The following ZBED4 variants were observed in gnomAD, a reference collection of about 807,000 sequenced individuals.
ZBED4 encodes the protein zinc finger BED-type containing 4.
A neutral mutation model predicts 15.5 loss-of-function variants in ZBED4; 4 were observed. The ratio of observed to expected loss-of-function variants is 0.26; its 90% CI spans 0.13 to 0.59. The LOEUF (loss-of-function observed/expected upper bound fraction) is 0.59. ZBED4 is among the 20% of genes least tolerant of loss of function. ZBED4 has a pLI of 0.90. For synonymous variants in ZBED4, 692 were observed against 608.5 expected (o/e 1.14, Z -2.02); for missense variants, 1,323 against 1,461.8 (o/e 0.91, Z 1.55).
chr22:49,858,615 GGAA>G (rs1381094810), intron 1 of ZBED4, among the ~76,000 whole-genome samples: 8 of 152,220 alleles, frequency 5.3e-5, no homozygotes. Context: ...CTGTCTTGAA[GGAA>G]ACTGCAGATA....
chr22:49,862,334 C>T lies in ZBED4; in HGVS notation c.-330+8345C>T, dbSNP rs150692212. Among the ~76,000 whole-genome samples, 597 of 152,342 alleles carry T rather than the reference C, an allele frequency of 3.9e-3. 13 individuals are homozygous for T. The highest frequency in any genetic ancestry group is 0.014 in the Middle Eastern group (4 of 294). ...TTTTTGCTGAGACTGGAATTGATCT[C>T]CTGTGCTCAAGTCTCTCACCGTGGC... is the stretch of plus-strand genomic sequence containing the variant. On this transcript the variant is annotated intron_variant, in intron 1 of 1. Coordinates refer to ENST00000216268, the MANE Select transcript of ZBED4 (RefSeq NM_014838.3).
In ZBED4 at chr22:49,885,969, G is replaced by C. The variant is rs1318589903; in HGVS notation, c.2307G>C (p.Leu769=). The C allele has an allele frequency of 9.8e-6, 7 of 710,698 alleles. No individual in the cohort carries two copies. The highest frequency in any genetic ancestry group is 1.5e-5 in the Non-Finnish European group (6 of 391,782). The allele number at this position is 710,698 out of a possible 1,614,324, so 44.0% of individuals were successfully genotyped here. A position where few individuals can be genotyped will look rare whatever the true frequency, so the allele number is the denominator to read the frequency against. Residue 769 remains leucine (L), a synonymous_variant, in exon 2 of 2, where the codon CTG becomes CTC. Transcript: ENST00000216268. ...GTGACGACCACCACTGCTCGGCGCTGTTGGACGTGTCGCAGGTGGACTGCG... is the reference window on the plus strand; with the variant it reads ...GTGACGACCACCACTGCTCGGCGCTCTTGGACGTGTCGCAGGTGGACTGCG... ...PRCDDHHCSA[L]LDVSQVDCDY...
chr22:49,871,494 A>C (rs2060347344), intron 1 of ZBED4, among the ~76,000 whole-genome samples: 1 of 152,102 alleles, frequency 6.6e-6, no homozygotes, highest in Non-Finnish European at 1.5e-5. Context: ...AAAATAAAAA[A>C]AAAGTTACAT....
upstream of ZBED4, among the ~76,000 whole-genome samples, chr22:49,853,680 A>AC: frequency 6.7e-6 from 1 of 150,074 alleles, no homozygotes; most frequent in South Asian, 2.1e-4. Flanking sequence ...CTTCCGCCCG[A>AC]CCCCGCCCCA....
At chr22:49,862,403 C>G (rs1403696172) in intron 1 of ZBED4, among the ~76,000 whole-genome samples, 2 of 152,218 alleles carry the variant, frequency 1.3e-5, no homozygotes, top group Non-Finnish European at 2.9e-5. Context: ...TGCGCCCAGC[C>G]TAGTGTAGCT....
chr22:49,886,694 G>A lies in ZBED4; in HGVS notation c.3032G>A (p.Arg1011His). ...RYVFATLLDP[R>H]YKASLFTEEE... ...GTCTTCGCCACGCTGCTGGATCCTC[G>A]CTACAAGGCCTCCCTGTTTACGGAG... The change falls in exon 2 of 2, where the codon CGC (arginine) becomes CAC (histidine). Residue 1011 changes from arginine to histidine, a missense_variant. Physicochemically the swap from Arg to His is conservative, Grantham distance 29. Transcript: ENST00000216268. This position sits in a 1 kb window ranked among gnomAD's most constrained non-coding sequence, Gnocchi z 7.7. The A allele has an allele frequency of 1.2e-6, 2 of 1,612,904 alleles. No homozygotes were observed. Among genetic ancestry groups the A allele is most frequent in the Non-Finnish European group, 1.7e-6 (2 of 1,179,602 alleles).
chr22:49,869,035 A>G (rs530250659), intron 1 of ZBED4, among the ~76,000 whole-genome samples: 7 of 151,362 alleles, frequency 4.6e-5, no homozygotes, highest in Non-Finnish European at 1.0e-4. Context: ...GAGGCAGGAG[A>G]ATCACTTGAA....
Position 49,884,386 on chromosome 22 carries a change from T to G in ZBED4, c.724T>G (p.Ser242Ala). 1 of 1,612,890 alleles carries G rather than the reference T, an allele frequency of 6.2e-7. No individual in the cohort carries two copies. The highest frequency in any genetic ancestry group is 8.5e-7 in the Non-Finnish European group (1 of 1,179,314). The part of the protein sequence containing the change: ...SEEISSDMSV[S>A]EKCGREEALV... ...AGAAATCTCCTCTGACATGTCCGTT[T>G]CGGAGAAGTGCGGCAGAGAAGAAGC... is the stretch of plus-strand genomic sequence containing the variant. Residue 242 changes from serine to alanine, a missense_variant, in exon 2 of 2, where the codon TCG (serine) becomes GCG (alanine). Ser to Ala is a moderately conservative substitution (Grantham distance 99). Coordinates refer to ENST00000216268, the MANE Select transcript of ZBED4 (RefSeq NM_014838.3).
chr22:49,854,031 C>G (rs1029593165), intron 1 of ZBED4, 42 bp downstream of exon 1: 5 of 145,452 alleles, frequency 3.4e-5, no homozygotes, highest in African/African-American at 1.2e-4. Flanking sequence ...TGCCGCGAGC[C>G]CCGTCCCCCG....
chr22:49,877,534 C>T (rs1321727082), intron 1 of ZBED4, among the ~76,000 whole-genome samples: 1 of 152,058 alleles, frequency 6.6e-6, no homozygotes, highest in African/African-American at 2.4e-5. Flanking sequence ...TCGTGTGATC[C>T]CTCCCACCTT....
Position 49,854,320 on chromosome 22 carries a change from G to A in ZBED4, c.-330+331G>A, listed in dbSNP as rs544894963. 7.7e-4 allele frequency among the ~76,000 whole-genome samples: 117 copies of A among 151,086 alleles called. 2 individuals carry two copies. The highest frequency in any genetic ancestry group is 2.6e-3 in the African/African-American group (107 of 41,336). On this transcript the variant is annotated intron_variant, in intron 1 of 1. Coordinates refer to ENST00000216268, the MANE Select transcript of ZBED4 (RefSeq NM_014838.3). ...GGGCTCGGGCTCGGGGCGCCGCCCG[G>A]GTCCGCCGGGAGCGCGCTGTCCCGG...
intron 1 of ZBED4, among the ~76,000 whole-genome samples, chr22:49,854,693 T>G (rs2060267364): frequency 6.6e-6 from 1 of 152,190 alleles, no homozygotes; most frequent in East Asian, 1.9e-4. Flanking sequence ...TCGGGCTCCC[T>G]TCTGCGCCTT....
chr22:49,860,532 G>A (rs1189366128), intron 1 of ZBED4, among the ~76,000 whole-genome samples: 1 of 151,946 alleles, frequency 6.6e-6, no homozygotes, highest in Non-Finnish European at 1.5e-5. Context: ...CTTCCACTTT[G>A]GATGAATAAA....
chr22:49,874,138 C>T (rs1161162961), intron 1 of ZBED4, among the ~76,000 whole-genome samples: 1 of 152,216 alleles, frequency 6.6e-6, no homozygotes, highest in African/African-American at 2.4e-5. Context: ...CAGCCGCCTC[C>T]TGCCTGGGCA....
At chr22:49,869,979 C>G (rs1044885494) in intron 1 of ZBED4, among the ~76,000 whole-genome samples, 34 of 152,122 alleles carry the variant, frequency 2.2e-4, no homozygotes, top group African/African-American at 7.2e-4. Flanking sequence ...CTCCCTCCCT[C>G]ACTCCTCACT....
chr22:49,867,253 G>A (rs1302121202), intron 1 of ZBED4, among the ~76,000 whole-genome samples: 2 of 152,170 alleles, frequency 1.3e-5, no homozygotes, highest in African/African-American at 4.8e-5. Context: ...ATTGTGTTTA[G>A]AGGACTTGTA....
Position 49,884,799 on chromosome 22 carries a change from G to C in ZBED4, c.1137G>C (p.Pro379=), listed in dbSNP as rs376883523. 1 of 1,609,416 alleles carries C rather than the reference G, an allele frequency of 6.2e-7. No homozygotes were observed. The change falls in exon 2 of 2, where the codon CCG becomes CCC. Residue 379 remains proline, a synonymous_variant. Transcript: ENST00000216268. ...CTGTGTCCTCGTCTCCAGTAAAGCCGGTCAGAGAGTCCCCTTCGGCCTCCT... is the reference window on the plus strand; with the variant it reads ...CTGTGTCCTCGTCTCCAGTAAAGCCCGTCAGAGAGTCCCCTTCGGCCTCCT... ...LSSVSSSPVK[P]VRESPSASSS... is the part of the protein sequence containing the mutation.
chr22:49,865,662 G>A lies in ZBED4; in HGVS notation c.-330+11673G>A, dbSNP rs554591994. ...TGCACTCCAGTCTGGGCGACAGAGTGGACAAAAATAAAAATAAATGCTCAC... is the reference window on the plus strand; with the variant it reads ...TGCACTCCAGTCTGGGCGACAGAGTAGACAAAAATAAAAATAAATGCTCAC... On this transcript the variant is annotated intron_variant, in intron 1 of 1. Coordinates refer to ENST00000216268, the MANE Select transcript of ZBED4 (RefSeq NM_014838.3). Among the ~76,000 whole-genome samples the A allele has an allele frequency of 1.8e-3, 266 of 151,986 alleles. 1 individual carries two copies. The highest frequency in any genetic ancestry group is 6.1e-3 in the African/African-American group (254 of 41,468).
At position 49,885,165 on chromosome 22, in the gene ZBED4, C is replaced by G; in HGVS notation, c.1503C>G (p.Leu501=). 6.2e-7 allele frequency: 1 copy of G among 1,613,666 alleles called. No individual in the cohort carries two copies. The highest frequency in any genetic ancestry group is 1.1e-5 in the South Asian group (1 of 91,048). ...GCACCAGCTGCCTGATGAGACATCT[C>G]TACCGGCGCCATCCAGAAGTTGTCG... is the stretch of plus-strand genomic sequence containing the variant. ...DVGTSCLMRH[L]YRRHPEVVGS... is the part of the protein sequence containing the mutation. Residue 501 remains leucine (L), a synonymous_variant, in exon 2 of 2, where the codon CTC becomes CTG. Coordinates refer to ENST00000216268, the MANE Select transcript of ZBED4 (RefSeq NM_014838.3).
Sources: allele counts gnomAD v4.1 joint callset (sites outside exome capture counted in the v4.1 genomes callset), GRCh38; gene constraint gnomAD v4.1.1; non-coding constraint Gnocchi (gnomAD v3.1); transcripts MANE v1.5; gene names NCBI Gene and HGNC (gene_info 2026-07-23, HGNC 2026-07-21).